The following PNKD variants were observed in gnomAD, a reference collection of about 807,000 sequenced individuals.
PNKD encodes the protein PNKD metallo-beta-lactamase domain containing, also known as probable thioesterase PNKD.
Under a neutral mutation model 45.3 loss-of-function variants are expected in PNKD, and 36 were observed. The observed-to-expected ratio is 0.80, with a 90% CI of 0.61 to 1.05. PNKD has a LOEUF of 1.05. Among genes scored for constraint, PNKD ranks in the 50% least tolerant of loss-of-function variants. PNKD has a pLI of 0.00. For synonymous variants in PNKD, 197 were observed against 210.1 expected (o/e 0.94, Z 0.54); for missense variants, 511 against 506.6 (o/e 1.01, Z -0.08).
chr2:218,272,891 C>T, intron 2 of PNKD: 1 of 1,576,038 alleles, frequency 6.3e-7, no homozygotes, highest in Admixed American at 1.8e-5. Flanking sequence ...TACCCTGCCC[C>T]ACACCAAGGA....
In PNKD at chr2:218,345,758, A is replaced by G. The variant is rs1442607912; in HGVS notation, c.*777A>G. ...TTGCACATCTGGCCTGGTTGTACCC[A>G]CTGGCCTCTGCCTCTGCCCTGGGCC... On this transcript the variant is annotated 3_prime_UTR_variant, in exon 10 of 10. Transcript: ENST00000273077. The G allele has an allele frequency of 6.6e-6, 1 of 152,482 alleles. No individual in the cohort carries two copies. The highest frequency in any genetic ancestry group is 2.4e-5 in the African/African-American group (1 of 41,456). 9.4% of individuals were successfully genotyped at this position (152,482 alleles called of 1,614,324 possible). A position where few individuals can be genotyped will look rare whatever the true frequency, so the allele number is the denominator to read the frequency against.
Position 218,340,893 on chromosome 2 carries a change from C to A in PNKD, c.524+107C>A. On this transcript the variant is annotated intron_variant, in intron 5 of 9. Transcript: ENST00000273077. This position sits in a 1 kb window ranked among gnomAD's most constrained non-coding sequence, Gnocchi z 4.2. Reference sequence around the variant, plus strand: ...CAGAGATCAAGAAGTCAGTACGGGCCGGCACCCGCCTTCCTCGTGAAGTCA... The same window carrying A: ...CAGAGATCAAGAAGTCAGTACGGGCAGGCACCCGCCTTCCTCGTGAAGTCA... 1 of 892,278 alleles carries A rather than the reference C, an allele frequency of 1.1e-6. No homozygotes were observed. The highest frequency in any genetic ancestry group is 1.9e-6 in the Non-Finnish European group (1 of 527,778). 55.3% of individuals were successfully genotyped at this position (892,278 alleles called of 1,614,324 possible).
rs757688375 is a variant in PNKD at position 218,326,012 on chromosome 2, G to C, written c.237-13771G>C. Among the ~76,000 whole-genome samples the C allele has an allele frequency of 2.0e-5, 3 of 151,988 alleles. No homozygotes were observed. The highest frequency in any genetic ancestry group is 2.1e-4 in the South Asian group (1 of 4,810). On this transcript the variant is annotated intron_variant, in intron 2 of 9. Transcript: ENST00000273077. The surrounding 1 kb of genome is among the most constrained non-coding windows in gnomAD (Gnocchi z 4.1). ...AGGAGATATTTGCAGGAAACTGTAG[G>C]GGGGAAATGGGCAGGTGTTGGTGCT...
At chr2:218,310,913 T>C (rs1693597187) in intron 2 of PNKD, among the ~76,000 whole-genome samples, 1 of 152,118 alleles carries the variant, frequency 6.6e-6, no homozygotes, top group Admixed American at 6.6e-5. Context: ...CTTTTCTAGG[T>C]TTAGATACAC....
chr2:218,310,573 T>A lies in PNKD; in HGVS notation c.237-29210T>A, dbSNP rs1248968297. On this transcript the variant is annotated intron_variant, in intron 2 of 9. Coordinates refer to ENST00000273077, the MANE Select transcript of PNKD (RefSeq NM_015488.5). ...GACCACATGTATAACAATGGTCCCA[T>A]GAGATTATTGCTTTATTGCTTTTTT... Among the ~76,000 whole-genome samples, 3 of 146,668 alleles carry A rather than the reference T, an allele frequency of 2.0e-5. No homozygotes were observed. The Admixed American group carries it at 2.1e-4, about 10-fold the overall frequency.
intron 2 of PNKD, chr2:218,317,843 A>G (rs905044850): frequency 6.6e-5 from 10 of 152,258 alleles, no homozygotes; most frequent in Non-Finnish European, 1.2e-4. Flanking sequence ...TGGGCTAAGC[A>G]GAGGCCAGAT....
chr2:218,332,259 G>T (rs1437998797), intron 2 of PNKD, among the ~76,000 whole-genome samples: 3 of 152,214 alleles, frequency 2.0e-5, no homozygotes, highest in Non-Finnish European at 4.4e-5. Context: ...TCTCACAGGT[G>T]AGGCTGCGCT....
At chr2:218,288,858 A>G (rs1411358339) in intron 2 of PNKD, among the ~76,000 whole-genome samples, 3 of 152,176 alleles carry the variant, frequency 2.0e-5, no homozygotes, top group Non-Finnish European at 2.9e-5. Flanking sequence ...ATTTTGGATA[A>G]GAGACACTCA....
Position 218,339,940 on chromosome 2 carries a change from C to T in PNKD, c.352+42C>T, listed in dbSNP as rs1338854666. On this transcript the variant is annotated intron_variant, in intron 3 of 9. Coordinates refer to ENST00000273077, the MANE Select transcript of PNKD (RefSeq NM_015488.5). ...CCGGCCAGCATCCCCCATTCTGTGC[C>T]CCCACCCTCCCCGCCTGCTCCCCTT... 2.7e-6 allele frequency: 4 copies of T among 1,467,190 alleles called. No individual in the cohort carries two copies. In the South Asian group the frequency reaches 4.6e-5, roughly 17 times the overall value. 90.9% of individuals were successfully genotyped at this position (1,467,190 alleles called of 1,614,324 possible).
Position 218,340,694 on chromosome 2 carries a change from G to T in PNKD, c.466-34G>T, listed in dbSNP as rs1486954780. ...CTGCTTCAAGTGCCTCTTGCATCCT[G>T]CTCCCCAGTCTCCAAACCTCCTCTC... On this transcript the variant is annotated intron_variant, in intron 4 of 9. Coordinates refer to ENST00000273077, the MANE Select transcript of PNKD (RefSeq NM_015488.5). The surrounding 1 kb of genome is among the most constrained non-coding windows in gnomAD (Gnocchi z 4.2). 1.3e-6 allele frequency: 2 copies of T among 1,569,020 alleles called. No homozygotes were observed.
Position 218,340,022 on chromosome 2 carries a change from T to C in PNKD, c.353-7T>C. 1.3e-6 allele frequency: 2 copies of C among 1,597,516 alleles called. No homozygotes were observed. Among genetic ancestry groups the C allele is most frequent in the Non-Finnish European group, 1.7e-6 (2 of 1,164,996 alleles). On this transcript the variant is annotated splice_region_variant and splice_polypyrimidine_tract_variant and intron_variant, in intron 3 of 9. Coordinates refer to ENST00000273077, the MANE Select transcript of PNKD (RefSeq NM_015488.5). The surrounding 1 kb of genome is among the most constrained non-coding windows in gnomAD (Gnocchi z 4.2). ...TTACCCCGCCCACAGCCCATCTCTG[T>C]CCCCAGGAGTGAAGGTGCTTCCCAT...
At chr2:218,295,116 T>A (rs1431271332) in intron 2 of PNKD, among the ~76,000 whole-genome samples, 5 of 152,196 alleles carry the variant, frequency 3.3e-5, no homozygotes. Flanking sequence ...TCCAGAGCCC[T>A]TTTTCTGACT....
chr2:218,287,763 C>T (rs1692636398), intron 2 of PNKD, among the ~76,000 whole-genome samples: 1 of 152,040 alleles, frequency 6.6e-6, no homozygotes, highest in Admixed American at 6.5e-5. Flanking sequence ...GAGGCCACCC[C>T]TCCCAGCCCC....
At chr2:218,330,687 G>A (rs1258298125) in intron 2 of PNKD, among the ~76,000 whole-genome samples, 2 of 152,230 alleles carry the variant, frequency 1.3e-5, no homozygotes, top group East Asian at 3.8e-4. Flanking sequence ...AGGTGATGAT[G>A]GGTAGTTCCT....
At position 218,295,221 on chromosome 2, in the gene PNKD, C is replaced by T. The variant is rs555236100; in HGVS notation, c.236+23672C>T. Among the ~76,000 whole-genome samples the T allele has an allele frequency of 9.2e-5, 14 of 152,318 alleles. No individual in the cohort carries two copies. The South Asian group carries it at 2.9e-3, about 32-fold the overall frequency. ...ATAAATGATGTTTTTTTCTCTTGGG[C>T]CTTATCTGCAAAATTATTAAGTAAG... On this transcript the variant is annotated intron_variant, in intron 2 of 9. Coordinates refer to ENST00000273077, the MANE Select transcript of PNKD (RefSeq NM_015488.5).
At chr2:218,277,623 C>G (rs1202641312) in intron 2 of PNKD, 1 of 1,614,186 alleles carries the variant, frequency 6.2e-7, no homozygotes, top group South Asian at 1.1e-5. Flanking sequence ...TGCTTTATCC[C>G]TGAATGTACC....
intron 2 of PNKD, chr2:218,276,920 C>G: frequency 8.4e-7 from 1 of 1,191,794 alleles, no homozygotes; most frequent in Non-Finnish European, 1.2e-6. Flanking sequence ...CCCCGGGGAC[C>G]TTTGGGGCCT....
At chr2:218,310,750 C>T (rs963422898) in intron 2 of PNKD, among the ~76,000 whole-genome samples, 2 of 151,760 alleles carry the variant, frequency 1.3e-5, no homozygotes, top group African/African-American at 4.8e-5. Context: ...TGCCACCACA[C>T]CTGCCTAATT....
intron 8 of PNKD, 108 bp from the exon 9 acceptor site, chr2:218,344,347 C>A (rs1694766855): frequency 2.5e-6 from 2 of 790,104 alleles, no homozygotes; most frequent in Admixed American, 4.0e-5. Context: ...CTGACCTCAT[C>A]CCTAGTTGTC....
Sources: allele counts gnomAD v4.1 joint callset (sites outside exome capture counted in the v4.1 genomes callset), GRCh38; gene constraint gnomAD v4.1.1; non-coding constraint Gnocchi (gnomAD v3.1); transcripts MANE v1.5; gene names NCBI Gene and HGNC (gene_info 2026-07-23, HGNC 2026-07-21).